Variants in ARHGAP10 observed in about 807,000 individuals in gnomAD.
ARHGAP10 encodes Rho GTPase activating protein 10.
Under a neutral mutation model 108.6 loss-of-function variants are expected in ARHGAP10, and 87 were observed. The observed-to-expected ratio is 0.80, with a 90% CI of 0.67 to 0.96. ARHGAP10 has a LOEUF of 0.96. Among genes scored for constraint, ARHGAP10 ranks in the 40% least tolerant of loss-of-function variants. ARHGAP10 has a pLI of 0.00. For missense variants in ARHGAP10, 939 were observed against 954.5 expected, an observed-to-expected ratio of 0.98 and a Z score of 0.21; for synonymous variants, 347 against 341.1, an observed-to-expected ratio of 1.02 and a Z score of -0.19.
chr4:147,822,902 C>G lies in ARHGAP10; in HGVS notation c.257C>G (p.Ser86Cys), dbSNP rs1231274544. 5.6e-6 allele frequency: 9 copies of G among 1,614,000 alleles called. No homozygotes were observed. Among genetic ancestry groups the G allele is most frequent in the Non-Finnish European group, 7.6e-6 (9 of 1,179,954 alleles). ...CACTCCTTTCTTCTTACAGATGCTT[C>G]CTTACGTGAATTTTCAAATTTTTTG... ...VTDDERCIDA[S>C]LREFSNFLKN... Residue 86 changes from serine to cysteine, a missense_variant, in exon 3 of 23, where the codon TCC becomes TGC. By Grantham distance (112) the Ser-to-Cys change is moderately radical. Transcript: ENST00000336498.
At chr4:147,783,549 A>G (rs1321168829) in intron 1 of ARHGAP10, among the ~76,000 whole-genome samples, 14 of 145,010 alleles carry the variant, frequency 9.7e-5, no homozygotes, top group African/African-American at 3.6e-4. Flanking sequence ...TGTATAATTT[A>G]TAGAACACAC....
chr4:148,061,701 A>C (rs1034984551), intron 20 of ARHGAP10, among the ~76,000 whole-genome samples: 1 of 152,006 alleles, frequency 6.6e-6, no homozygotes, highest in African/African-American at 2.4e-5. Flanking sequence ...TCAATTATGC[A>C]CCAGATTTGT....
At chr4:147,736,588 G>C (rs1728424711) in intron 1 of ARHGAP10, among the ~76,000 whole-genome samples, 1 of 152,158 alleles carries the variant, frequency 6.6e-6, no homozygotes, top group South Asian at 2.1e-4. Context: ...ACTACTGCTG[G>C]TTCAGCCAAC....
intron 19 of ARHGAP10, among the ~76,000 whole-genome samples, chr4:148,024,667 A>T (rs1741697633): frequency 6.6e-6 from 1 of 152,246 alleles, no homozygotes; most frequent in Admixed American, 6.5e-5. Context: ...CATTACAATT[A>T]AGCTATAATT....
intron 1 of ARHGAP10, among the ~76,000 whole-genome samples, chr4:147,744,508 C>T (rs1728824068): frequency 6.6e-6 from 1 of 152,004 alleles, no homozygotes; most frequent in Admixed American, 6.6e-5. Flanking sequence ...AGAAAGCTTT[C>T]TCGGAGTGCA....
chr4:147,822,849 T>C, intron 2 of ARHGAP10, 27 bp downstream of exon 2: 2 of 1,613,994 alleles, frequency 1.2e-6, no homozygotes, highest in Non-Finnish European at 1.7e-6. Context: ...TTTTGGTTTG[T>C]TTTCCTTTGC....
intron 10 of ARHGAP10, among the ~76,000 whole-genome samples, chr4:147,882,688 G>A (rs10004138): frequency 0.16 from 23,669 of 152,044 alleles, 2,536 homozygotes; most frequent in African/African-American, 0.3. Context: ...TTATTCAAAG[G>A]TGAATTCTTT....
chr4:147,939,876 A>G lies in ARHGAP10; in HGVS notation c.1280A>G (p.Gln427Arg), dbSNP rs1171915144. Residue 427 changes from glutamine to arginine, a missense_variant, in exon 14 of 23, where the codon CAG (glutamine) becomes CGG (arginine). By Grantham distance (43) the Gln-to-Arg change is conservative. Transcript: ENST00000336498. ...GTTGTGGGGGTGAGTTCAAAGGTCC[A>G]GAGACTTCTGAGTATGTTGATGGGT... ...YRVVGVSSKV[Q>R]RLLSMLMDVK... The G allele has an allele frequency of 6.2e-7, 1 of 1,614,040 alleles. No individual in the cohort carries two copies. Among genetic ancestry groups the G allele is most frequent in the Non-Finnish European group, 8.5e-7 (1 of 1,179,944 alleles).
chr4:148,057,777 T>C (rs1044379268), intron 20 of ARHGAP10, among the ~76,000 whole-genome samples: 1 of 152,234 alleles, frequency 6.6e-6, no homozygotes, highest in Non-Finnish European at 1.5e-5. Flanking sequence ...ATTATGGTTA[T>C]TAATTGGGCA....
chr4:147,813,341 T>C (rs1390790901), intron 1 of ARHGAP10, among the ~76,000 whole-genome samples: 1 of 152,228 alleles, frequency 6.6e-6, no homozygotes, highest in African/African-American at 2.4e-5. Flanking sequence ...CTCTGAGGAC[T>C]GTGTCCTCCC....
chr4:147,765,577 A>G (rs947411101), intron 1 of ARHGAP10, among the ~76,000 whole-genome samples: 7 of 152,226 alleles, frequency 4.6e-5, no homozygotes, highest in Non-Finnish European at 8.8e-5. Context: ...AGGTGGGCAG[A>G]TCACTTGAGG....
chr4:147,932,183 G>T (rs1407317087), intron 13 of ARHGAP10, among the ~76,000 whole-genome samples: 1 of 152,162 alleles, frequency 6.6e-6, no homozygotes, highest in Non-Finnish European at 1.5e-5. Context: ...TGAGATTGTG[G>T]AGAAAAAGGA....
chr4:147,799,360 C>A (rs1026275400), intron 1 of ARHGAP10, among the ~76,000 whole-genome samples: 2 of 152,128 alleles, frequency 1.3e-5, no homozygotes, highest in Non-Finnish European at 2.9e-5. Flanking sequence ...CTTCTTAAAT[C>A]TGTTTATGTC....
chr4:148,039,756 G>C (rs775732002), intron 19 of ARHGAP10, among the ~76,000 whole-genome samples: 5 of 151,814 alleles, frequency 3.3e-5, no homozygotes, highest in Non-Finnish European at 7.4e-5. Flanking sequence ...TATGTCTTAC[G>C]TGCAGGATTT....
chr4:147,908,931 A>G (rs185407983), intron 11 of ARHGAP10, among the ~76,000 whole-genome samples: 56 of 152,274 alleles, frequency 3.7e-4, no homozygotes, highest in African/African-American at 1.2e-3. Context: ...GCATCTGAGC[A>G]TATGATAGTG....
In ARHGAP10 at chr4:147,833,652, A is replaced by G. The variant is rs533002976; in HGVS notation, c.312+10695A>G. Among the ~76,000 whole-genome samples, 36 of 152,338 alleles carry G rather than the reference A, an allele frequency of 2.4e-4. 2 individuals are homozygous for G. Among genetic ancestry groups the G allele is most frequent in the Admixed American group, 2.3e-3 (35 of 15,300 alleles). ...GCTTACTTCTTTATGCACAAGAGGGATACATGATGAAAACATACCTTTCAA... is the reference window on the plus strand; with the variant it reads ...GCTTACTTCTTTATGCACAAGAGGGGTACATGATGAAAACATACCTTTCAA... On this transcript the variant is annotated intron_variant, in intron 3 of 22. Coordinates refer to ENST00000336498, the MANE Select transcript of ARHGAP10 (RefSeq NM_024605.4).
chr4:147,967,533 G>T (rs189569732), intron 18 of ARHGAP10, among the ~76,000 whole-genome samples: 1 of 152,172 alleles, frequency 6.6e-6, no homozygotes, highest in Non-Finnish European at 1.5e-5. Context: ...AGCAGAAACT[G>T]CTTTAATATA....
At chr4:147,946,377 C>T (rs1026661243) in intron 14 of ARHGAP10, 19 of 421,738 alleles carry the variant, frequency 4.5e-5, no homozygotes, top group Non-Finnish European at 7.9e-5. Flanking sequence ...TTCTTCCTTA[C>T]TCCCAACCCA....
chr4:147,962,805 A>G (rs990121396), intron 16 of ARHGAP10, among the ~76,000 whole-genome samples: 17 of 152,098 alleles, frequency 1.1e-4, no homozygotes, highest in Non-Finnish European at 1.2e-4. Context: ...CTGGGATTAC[A>G]GGTGCACACC....
Sources: allele counts gnomAD v4.1 joint callset (sites outside exome capture counted in the v4.1 genomes callset), GRCh38; gene constraint gnomAD v4.1.1; transcripts MANE v1.5; gene names NCBI Gene and HGNC (gene_info 2026-07-23, HGNC 2026-07-21).